The following NPAS3 variants were observed in gnomAD, a reference collection of about 807,000 sequenced individuals.
NPAS3 encodes neuronal PAS domain-containing protein 3.
NPAS3 carries 14 observed loss-of-function variants against 73.1 expected under a neutral mutation model. The observed-to-expected ratio is 0.19, with a 90% confidence interval of 0.13 to 0.30. The LOEUF is 0.30. Among genes scored for constraint, NPAS3 ranks in the 10% least tolerant of loss-of-function variants. NPAS3 has a pLI of 1.00. For synonymous variants in NPAS3, 620 were observed against 541.5 expected (o/e 1.14, Z -2.01); for missense variants, 1,096 against 1,250.0 (o/e 0.88, Z 1.86).
At chr14:33,761,961 A>G (rs1421723454) in intron 7 of NPAS3, among the ~76,000 whole-genome samples, 1 of 152,190 alleles carries the variant, frequency 6.6e-6, no homozygotes, top group African/African-American at 2.4e-5. Context: ...TTTACTGCAG[A>G]AGGTCTGCTC....
intron 3 of NPAS3, among the ~76,000 whole-genome samples, chr14:33,329,853 CA>C (rs1266394064): frequency 6.6e-6 from 1 of 151,998 alleles, no homozygotes; most frequent in Non-Finnish European, 1.5e-5. Context: ...GTGCTTAAAA[CA>C]ATGCCTGGAA....
chr14:33,480,519 C>G (rs10138192), intron 4 of NPAS3, among the ~76,000 whole-genome samples: 33,488 of 123,196 alleles, frequency 0.27, 7,075 homozygotes, highest in African/African-American at 0.61. Flanking sequence ...CCCTCTCCCC[C>G]ACTCTCCCCC....
At chr14:33,794,372 T>A (rs753448822) in intron 10 of NPAS3, among the ~76,000 whole-genome samples, 18 of 152,164 alleles carry the variant, frequency 1.2e-4, no homozygotes, top group Non-Finnish European at 2.2e-4. Flanking sequence ...GCTGAAGCAT[T>A]CAAAAAGCAT....
intron 4 of NPAS3, among the ~76,000 whole-genome samples, chr14:33,505,166 G>A (rs560171882): frequency 6.6e-6 from 1 of 151,954 alleles, no homozygotes; most frequent in South Asian, 2.1e-4. Flanking sequence ...TTAATAACAA[G>A]AATACATATC....
intron 2 of NPAS3, among the ~76,000 whole-genome samples, chr14:33,127,702 A>G (rs974819207): frequency 4.6e-5 from 7 of 152,132 alleles, no homozygotes; most frequent in African/African-American, 1.7e-4. Context: ...TGGAGTTCTC[A>G]TTGTATTGGT....
In NPAS3 at chr14:33,371,007, G is replaced by A. The variant is rs566248842; in HGVS notation, c.468+3739G>A. On this transcript the variant is annotated intron_variant, in intron 4 of 11. Coordinates refer to ENST00000356141, the Ensembl canonical transcript of NPAS3. ...ATCACTGGTGTATAGATGAATGATA[G>A]TTCAAATTAAGAATGGGTTACAGCC... Among the ~76,000 whole-genome samples, 9 of 152,244 alleles carry A rather than the reference G, an allele frequency of 5.9e-5. No individual in the cohort carries two copies. The South Asian group carries it at 1.9e-3, about 32-fold the overall frequency.
At chr14:33,802,392 G>GAAAAAAAAAAAAAAAAA (rs1161378596), downstream of NPAS3, 2 of 92,186 alleles carry the variant, frequency 2.2e-5, no homozygotes, top group African/African-American at 3.7e-5. Context: ...AAAAAAAAAA[G>GAAAAAAAAAAAAAAAAA]AAAAAAAAAA....
chr14:33,056,075 T>C (rs2040876709), intron 2 of NPAS3, 81 bp downstream of exon 2: 2 of 608,092 alleles, frequency 3.3e-6, no homozygotes, highest in Non-Finnish European at 5.9e-6. Flanking sequence ...AATATCCTTG[T>C]ATTGAAACCT....
At chr14:33,389,291 T>C (rs1213434850) in intron 4 of NPAS3, among the ~76,000 whole-genome samples, 2 of 152,250 alleles carry the variant, frequency 1.3e-5, no homozygotes, top group East Asian at 3.8e-4. Flanking sequence ...TTATATATGT[T>C]TCCTTTAAGG....
At chr14:33,270,572 G>A (rs905960566) in intron 3 of NPAS3, among the ~76,000 whole-genome samples, 1 of 152,112 alleles carries the variant, frequency 6.6e-6, no homozygotes, top group African/African-American at 2.4e-5. Flanking sequence ...TCAAAATTCT[G>A]CTCTAGTATT....
In NPAS3 at chr14:33,737,185, G is replaced by A. The variant is rs373830405; in HGVS notation, c.852+1853G>A. Reference sequence around the variant, plus strand: ...ATGCAGATAGCAAAGAAAGTGTGAGGGGGTGGCTGATGAGGGCAGGAGGCC... The same window carrying A: ...ATGCAGATAGCAAAGAAAGTGTGAGAGGGTGGCTGATGAGGGCAGGAGGCC... On this transcript the variant is annotated intron_variant, in intron 7 of 11. Transcript: ENST00000356141. 5.3e-5 allele frequency among the ~76,000 whole-genome samples: 8 copies of A among 152,294 alleles called. No homozygotes were observed. In the South Asian group the frequency reaches 1.7e-3, roughly 32 times the overall value.
At chr14:33,584,047 T>A (rs2056773860) in intron 5 of NPAS3, among the ~76,000 whole-genome samples, 1 of 152,220 alleles carries the variant, frequency 6.6e-6, no homozygotes, top group South Asian at 2.1e-4. Context: ...CTATAACCAC[T>A]GAAATAGCAG....
At chr14:33,221,112 G>A (rs937305923) in intron 3 of NPAS3, among the ~76,000 whole-genome samples, 1 of 152,150 alleles carries the variant, frequency 6.6e-6, no homozygotes, top group African/African-American at 2.4e-5. Flanking sequence ...TCCTTGCTGG[G>A]GGTTCAGCCT....
intron 5 of NPAS3, among the ~76,000 whole-genome samples, chr14:33,626,063 A>G (rs947733557): frequency 6.6e-6 from 1 of 152,210 alleles, no homozygotes; most frequent in Non-Finnish European, 1.5e-5. Flanking sequence ...ACTACAACCC[A>G]GAACTTCTGA....
At chr14:32,996,731 T>C (rs1293463128) in intron 1 of NPAS3, among the ~76,000 whole-genome samples, 1 of 152,106 alleles carries the variant, frequency 6.6e-6, no homozygotes, top group East Asian at 1.9e-4. Context: ...TTTCAGAGGA[T>C]ATATGGAAAT....
At chr14:33,279,518 A>G (rs1022733768) in intron 3 of NPAS3, among the ~76,000 whole-genome samples, 6 of 152,166 alleles carry the variant, frequency 3.9e-5, no homozygotes, top group Admixed American at 6.6e-5. Context: ...CTTCTTCCTC[A>G]AAGTGTGGTC....
intron 3 of NPAS3, among the ~76,000 whole-genome samples, chr14:33,337,659 T>C (rs2044289613): frequency 6.6e-6 from 1 of 152,084 alleles, no homozygotes; most frequent in East Asian, 1.9e-4. Context: ...CCACTGAATC[T>C]ATAGATCAGT....
Position 33,284,903 on chromosome 14 carries a change from C to T in NPAS3, c.385+69477C>T, listed in dbSNP as rs116116615. The stretch of plus-strand genomic sequence containing the variant: ...CAACCCTTATAGAGGTGAAGTACCC[C>T]GCCTGCAGTCCTGCACTCACAGAGG... On this transcript the variant is annotated intron_variant, in intron 3 of 11. Coordinates refer to ENST00000356141, the Ensembl canonical transcript of NPAS3. 7.2e-3 allele frequency among the ~76,000 whole-genome samples: 1,094 copies of T among 152,130 alleles called. 10 individuals are homozygous for T. The highest frequency in any genetic ancestry group is 0.025 in the African/African-American group (1,051 of 41,500).
intron 3 of NPAS3, among the ~76,000 whole-genome samples, chr14:33,270,762 C>G (rs2041036727): frequency 6.6e-6 from 1 of 152,130 alleles, no homozygotes; most frequent in African/African-American, 2.4e-5. Context: ...ATATCACAAC[C>G]ATGAGTTATT....
Sources: gnomAD v4.1 joint callset for allele counts (sites outside exome capture counted in the v4.1 genomes callset) on GRCh38, gnomAD v4.1.1 for gene constraint, MANE v1.5 for transcripts, NCBI Gene and HGNC (gene_info 2026-07-23, HGNC 2026-07-21) for gene names.